TMC1: variants seen among roughly 807,000 people sequenced by gnomAD.
TMC1 encodes transmembrane channel-like protein 1.
A neutral mutation model predicts 105.8 loss-of-function variants in TMC1; 84 were observed. The ratio of observed to expected loss-of-function variants is 0.79; its 90% CI spans 0.67 to 0.95. TMC1 has a LOEUF of 0.95. TMC1 is among the 40% of genes least tolerant of loss of function. The pLI is 0.00. For synonymous variants in TMC1, 315 were observed against 311.5 expected (o/e 1.01, Z -0.12); for missense variants, 817 against 914.1 (o/e 0.89, Z 1.37).
intron 4 of TMC1, among the ~76,000 whole-genome samples, chr9:72,634,326 G>A (rs1239146429): frequency 6.6e-6 from 1 of 152,088 alleles, no homozygotes; most frequent in Non-Finnish European, 1.5e-5. Flanking sequence ...GGAGCAAGAG[G>A]GGAAGTTAAA....
intron 1 of TMC1, among the ~76,000 whole-genome samples, chr9:72,527,309 C>T (rs1823422592): frequency 6.6e-6 from 1 of 152,128 alleles, no homozygotes; most frequent in African/African-American, 2.4e-5. Flanking sequence ...CTCTGAACCT[C>T]CTTATGACCC....
chr9:72,562,734 G>A (rs912889189), intron 1 of TMC1, among the ~76,000 whole-genome samples: 1 of 151,998 alleles, frequency 6.6e-6, no homozygotes, highest in African/African-American at 2.4e-5. Context: ...AAAAATCATA[G>A]CGAAATGGTA....
At chr9:72,611,624 G>C (rs114464957) in intron 2 of TMC1, among the ~76,000 whole-genome samples, 6,456 of 152,284 alleles carry the variant, frequency 0.042, 203 homozygotes, top group Middle Eastern at 0.095. Flanking sequence ...CTGTGGCTGA[G>C]AGTTGAAGGC....
chr9:72,569,747 A>G (rs1824238058), intron 1 of TMC1, among the ~76,000 whole-genome samples: 1 of 152,166 alleles, frequency 6.6e-6, no homozygotes, highest in East Asian at 1.9e-4. Context: ...AAGCCAGGCT[A>G]AAGAGATGGC....
chr9:72,555,918 G>A (rs1368065689), intron 1 of TMC1, among the ~76,000 whole-genome samples: 1 of 131,644 alleles, frequency 7.6e-6, no homozygotes. Flanking sequence ...ACTGCACCTG[G>A]CCTGGACTTA....
intron 8 of TMC1, among the ~76,000 whole-genome samples, chr9:72,714,457 G>A (rs1236249105): frequency 1.3e-5 from 2 of 152,168 alleles, no homozygotes; most frequent in East Asian, 3.8e-4. Context: ...CCTGTATTGG[G>A]TGCATATATA....
In TMC1 at chr9:72,788,375, T is replaced by C. The variant is rs1216176717; in HGVS notation, c.921T>C (p.Asp307=). 6 of 1,613,934 alleles carry C rather than the reference T, an allele frequency of 3.7e-6. No homozygotes were observed. The African/African-American group carries it at 6.7e-5, about 18-fold the overall frequency. Residue 307 remains aspartate, a synonymous_variant, in exon 14 of 24, where the codon GAT becomes GAC. Transcript: ENST00000297784. The part of the protein sequence containing the change: ...TKNIGDDGGG[D]DNTFNFSWKV... ...ACATTGGTGATGATGGAGGTGGAGA[T>C]GACAACACTTTCAATTTCAGCTGGA...
intron 1 of TMC1, among the ~76,000 whole-genome samples, chr9:72,545,660 G>C (rs914974018): frequency 6.6e-6 from 1 of 151,820 alleles, no homozygotes; most frequent in African/African-American, 2.4e-5. Context: ...GCTAAGTTTT[G>C]AATTTTTAGT....
intron 8 of TMC1, among the ~76,000 whole-genome samples, chr9:72,724,158 A>C (rs1474894965): frequency 1.3e-5 from 2 of 152,208 alleles, no homozygotes. Context: ...ACCTTGTTTT[A>C]GTTTCCTGCT....
At chr9:72,687,275 A>G (rs1397285255) in intron 5 of TMC1, among the ~76,000 whole-genome samples, 1 of 152,168 alleles carries the variant, frequency 6.6e-6, no homozygotes, top group Non-Finnish European at 1.5e-5. Context: ...TTTCTTCTTT[A>G]TATATAACTG....
intron 10 of TMC1, among the ~76,000 whole-genome samples, chr9:72,748,371 A>G (rs142103287): frequency 7.2e-4 from 110 of 152,320 alleles, no homozygotes; most frequent in African/African-American, 2.5e-3. Context: ...TTATTAATCA[A>G]CTTTTGATTC....
At chr9:72,717,875 C>G (rs963951526) in intron 8 of TMC1, among the ~76,000 whole-genome samples, 2 of 152,094 alleles carry the variant, frequency 1.3e-5, no homozygotes, top group Non-Finnish European at 1.5e-5. Flanking sequence ...CTCTATTATT[C>G]CCCCAAATAT....
chr9:72,677,810 T>C (rs948904289), intron 5 of TMC1, among the ~76,000 whole-genome samples: 1 of 152,184 alleles, frequency 6.6e-6, no homozygotes, highest in African/African-American at 2.4e-5. Context: ...CTGGCTTAAC[T>C]CATTGATTGA....
At chr9:72,543,623 A>C (rs971899041) in intron 1 of TMC1, among the ~76,000 whole-genome samples, 8 of 152,160 alleles carry the variant, frequency 5.3e-5, no homozygotes, top group Non-Finnish European at 2.9e-5. Flanking sequence ...TCTCTACTAA[A>C]AATACAAAAA....
intron 1 of TMC1, among the ~76,000 whole-genome samples, chr9:72,531,864 C>A (rs1364577089): frequency 6.6e-6 from 1 of 152,086 alleles, no homozygotes; most frequent in Admixed American, 6.5e-5. Context: ...CCCATTTTTT[C>A]CTGTATCTGG....
chr9:72,554,913 C>G (rs879744686), intron 1 of TMC1, among the ~76,000 whole-genome samples: 12 of 152,098 alleles, frequency 7.9e-5, no homozygotes, highest in Admixed American at 7.9e-4. Context: ...GAGTCTCACT[C>G]TGCTGCCCAG....
chr9:72,783,792 G>A lies in TMC1; in HGVS notation c.885-4547G>A, dbSNP rs1828129159. ...TTAACAAAAACAAGCAATGGGGAAAGGACTCCCTGGGTCATACACAGCATT... is the reference window on the plus strand; with the variant it reads ...TTAACAAAAACAAGCAATGGGGAAAAGACTCCCTGGGTCATACACAGCATT... On this transcript the variant is annotated intron_variant, in intron 13 of 23. Transcript: ENST00000297784. Among the ~76,000 whole-genome samples, 2 of 152,106 alleles carry A rather than the reference G, an allele frequency of 1.3e-5. 1 individual carries two copies. The highest frequency in any genetic ancestry group is 4.1e-4 in the South Asian group (2 of 4,826).
intron 12 of TMC1, among the ~76,000 whole-genome samples, chr9:72,772,146 G>A (rs973944678): frequency 2.0e-5 from 3 of 152,094 alleles, no homozygotes; most frequent in Admixed American, 6.5e-5. Context: ...GGCATTTCAC[G>A]GTAATGGCTC....
chr9:72,677,824 A>G lies in TMC1; in HGVS notation c.17-10885A>G, dbSNP rs559558740. 9.2e-5 allele frequency among the ~76,000 whole-genome samples: 14 copies of G among 152,260 alleles called. No individual in the cohort carries two copies. The South Asian group carries it at 2.9e-3, about 32-fold the overall frequency. ...GCTGGCTTAACTCATTGATTGATCAAGTAACCATTGAGCATCTGCCGTGTT... is the reference window on the plus strand; with the variant it reads ...GCTGGCTTAACTCATTGATTGATCAGGTAACCATTGAGCATCTGCCGTGTT... On this transcript the variant is annotated intron_variant, in intron 5 of 23. Transcript: ENST00000297784.
Sources: allele counts gnomAD v4.1 joint callset (sites outside exome capture counted in the v4.1 genomes callset), GRCh38; gene constraint gnomAD v4.1.1; transcripts MANE v1.5; gene names NCBI Gene and HGNC (gene_info 2026-07-23, HGNC 2026-07-21).